SH3RF2: variants seen among roughly 807,000 people sequenced by gnomAD.
SH3RF2 encodes SH3 domain containing ring finger 2, also known as E3 ubiquitin-protein ligase SH3RF2.
Under a neutral mutation model 59.0 loss-of-function variants are expected in SH3RF2, and 43 were observed. The observed-to-expected ratio is 0.73, with a 90% confidence interval of 0.57 to 0.94. The LOEUF is 0.94. Among genes scored for constraint, SH3RF2 ranks in the 40% least tolerant of loss-of-function variants. The pLI is 0.00. For missense variants in SH3RF2, 930 were observed against 940.1 expected (o/e 0.99, Z 0.14); for synonymous variants, 391 against 391.5 (o/e 1.00, Z 0.01).
intron 3 of SH3RF2, 27 bp from the exon 4 acceptor site, chr5:146,004,031 T>G (rs1432250785): frequency 1.3e-6 from 2 of 1,599,222 alleles, no homozygotes; most frequent in East Asian, 2.2e-5. Context: ...TGAGAGTAAA[T>G]GCTGACCATG....
rs564036991 is a variant in SH3RF2, at chr5:146,012,697, AACTC to A, written c.745-1049_745-1046del. On this transcript the variant is annotated intron_variant, in intron 4 of 9. Transcript: ENST00000359120. ...CCTAAAATTTAAGAGTTATTGCACT[AACTC>A]TTGTTTGTCAACATGTTTCAGATTT... Among the ~76,000 whole-genome samples, 756 of 152,310 alleles carry A rather than the reference AACTC, an allele frequency of 5.0e-3. 6 individuals are homozygous for A. Among genetic ancestry groups the A allele is most frequent in the African/African-American group, 0.017 (722 of 41,582 alleles).
intron 2 of SH3RF2, among the ~76,000 whole-genome samples, chr5:145,971,193 C>G (rs1267437396): frequency 6.6e-6 from 1 of 152,238 alleles, no homozygotes; most frequent in Non-Finnish European, 1.5e-5. Context: ...GGACCGATGT[C>G]TGTTATATTT....
intron 2 of SH3RF2, among the ~76,000 whole-genome samples, chr5:145,993,205 G>A (rs1017935130): frequency 6.6e-6 from 1 of 152,174 alleles, no homozygotes; most frequent in African/African-American, 2.4e-5. Flanking sequence ...TAATGCAAGA[G>A]GTAGGTTCCC....
intron 4 of SH3RF2, among the ~76,000 whole-genome samples, chr5:146,008,001 G>C (rs949810780): frequency 3.3e-5 from 5 of 152,198 alleles, no homozygotes; most frequent in Non-Finnish European, 7.3e-5. Context: ...TTATGAGCAT[G>C]ATGTGTGTAT....
chr5:145,994,390 C>G (rs1760068589), intron 2 of SH3RF2, among the ~76,000 whole-genome samples: 1 of 152,200 alleles, frequency 6.6e-6, no homozygotes, highest in Non-Finnish European at 1.5e-5. Flanking sequence ...ACACCCCACT[C>G]TACTTGTACC....
chr5:146,047,842 A>C lies in SH3RF2; in HGVS notation c.1130A>C (p.Gln377Pro). ...STAVVSLPGS[Q>P]QHLSANMFVA... The stretch of plus-strand genomic sequence containing the variant: ...GCCGTGGTCAGTCTGCCTGGCTCCC[A>C]GCAACACCTCTCAGCGAACATGTGA... Residue 377 changes from glutamine to proline, a missense_variant, in exon 6 of 10, where the codon CAG (glutamine) becomes CCG (proline). Coordinates refer to ENST00000359120, the MANE Select transcript of SH3RF2 (RefSeq NM_152550.4). The C allele has an allele frequency of 6.2e-7, 1 of 1,614,070 alleles. No homozygotes were observed. The highest frequency in any genetic ancestry group is 1.1e-5 in the South Asian group (1 of 91,086).
At chr5:145,991,066 C>T (rs879567649) in intron 2 of SH3RF2, among the ~76,000 whole-genome samples, 5 of 152,262 alleles carry the variant, frequency 3.3e-5, no homozygotes, top group South Asian at 4.1e-4. Flanking sequence ...CATTCACATT[C>T]GATTCAGATT....
chr5:146,039,071 C>T (rs1034389885), intron 5 of SH3RF2, among the ~76,000 whole-genome samples: 8 of 152,126 alleles, frequency 5.3e-5, no homozygotes, highest in Admixed American at 6.5e-5. Context: ...GAAGGATGAA[C>T]TATGGTGCTG....
chr5:146,042,384 T>C (rs951614437), intron 5 of SH3RF2, among the ~76,000 whole-genome samples: 11 of 152,134 alleles, frequency 7.2e-5, no homozygotes, highest in African/African-American at 2.7e-4. Context: ...AGCACTTACA[T>C]TGCGTCAAAC....
chr5:146,028,465 C>T (rs1056877689), intron 5 of SH3RF2, among the ~76,000 whole-genome samples: 30 of 152,190 alleles, frequency 2.0e-4, no homozygotes, highest in African/African-American at 7.0e-4. Flanking sequence ...ATGAGATACT[C>T]GCATACAGAA....
intron 5 of SH3RF2, among the ~76,000 whole-genome samples, chr5:146,022,979 T>C (rs1761387473): frequency 6.6e-6 from 1 of 152,132 alleles, no homozygotes; most frequent in African/African-American, 2.4e-5. Context: ...GCCTTATGAA[T>C]GTTCTTAGTG....
chr5:146,078,231 C>T (rs1024646407), intron 9 of SH3RF2, among the ~76,000 whole-genome samples: 1 of 152,178 alleles, frequency 6.6e-6, no homozygotes, highest in Non-Finnish European at 1.5e-5. Context: ...AAAAAGAAAT[C>T]ACAACTTTAC....
At chr5:146,051,714 T>C (rs1298796748) in intron 7 of SH3RF2, among the ~76,000 whole-genome samples, 1 of 152,162 alleles carries the variant, frequency 6.6e-6, no homozygotes, top group Non-Finnish European at 1.5e-5. Context: ...AAGCCTGAGA[T>C]GTCTCTTAAT....
At chr5:146,048,983 A>C in intron 6 of SH3RF2, 92 bp from the exon 7 acceptor site, 1 of 1,458,674 alleles carries the variant, frequency 6.9e-7, no homozygotes, top group Non-Finnish European at 9.5e-7. Context: ...ATTGCTAACC[A>C]CTGGGCAGTC....
intron 9 of SH3RF2, among the ~76,000 whole-genome samples, chr5:146,075,843 T>G (rs1763332309): frequency 6.7e-6 from 1 of 150,290 alleles, no homozygotes; most frequent in African/African-American, 2.5e-5. Flanking sequence ...CAGGGGGTTT[T>G]GGTGATGTTT....
At chr5:146,013,550 A>C (rs1327267266) in intron 4 of SH3RF2, among the ~76,000 whole-genome samples, 197 bp from the exon 5 acceptor site, 1 of 152,170 alleles carries the variant, frequency 6.6e-6, no homozygotes, top group Non-Finnish European at 1.5e-5. Flanking sequence ...AGTTATGAGA[A>C]TGCATTAATA....
chr5:145,977,571 A>G (rs1759342074), intron 2 of SH3RF2, among the ~76,000 whole-genome samples: 2 of 152,164 alleles, frequency 1.3e-5, no homozygotes, highest in African/African-American at 2.4e-5. Flanking sequence ...CCTGTGCCCA[A>G]AAAGATGCCC....
chr5:146,067,947 C>G (rs1214355757), downstream of SH3RF2, among the ~76,000 whole-genome samples: 1 of 152,118 alleles, frequency 6.6e-6, no homozygotes, highest in African/African-American at 2.4e-5. Flanking sequence ...TAACTGTGAC[C>G]CTGGAGTACA....
chr5:146,013,703 A>T lies in SH3RF2; in HGVS notation c.745-44A>T. On this transcript the variant is annotated intron_variant, in intron 4 of 9. Coordinates refer to ENST00000359120, the MANE Select transcript of SH3RF2 (RefSeq NM_152550.4). ...TGGGTAGGAACTGGCTACTCACATT[A>T]GATCAGGAAGACAAACTTCTCATTG... 5 of 1,607,278 alleles carry T rather than the reference A, an allele frequency of 3.1e-6. No individual in the cohort carries two copies. The South Asian group carries it at 5.5e-5, about 18-fold the overall frequency.
Sources: allele counts gnomAD v4.1 joint callset (sites outside exome capture counted in the v4.1 genomes callset), GRCh38; gene constraint gnomAD v4.1.1; transcripts MANE v1.5; gene names NCBI Gene and HGNC (gene_info 2026-07-23, HGNC 2026-07-21).